The following CCDC178 variants were observed in gnomAD, a reference collection of about 807,000 sequenced individuals.
The protein encoded by CCDC178 is coiled-coil domain containing 178, also known as coiled-coil domain-containing protein 178.
Under a neutral mutation model 117.4 loss-of-function variants are expected in CCDC178, and 126 were observed. The observed-to-expected ratio is 1.07, with a 90% CI of 0.93 to 1.24. The LOEUF (loss-of-function observed/expected upper bound fraction) is 1.24. Ranked by LOEUF, CCDC178 falls within the 50% of genes most tolerant of loss-of-function variation. The pLI, the probability that CCDC178 is intolerant of heterozygous loss-of-function variation, is 0.00. For synonymous variants in CCDC178, 283 were observed against 313.4 expected, an observed-to-expected ratio of 0.90 and a Z score of 1.02; for missense variants, 1,030 against 986.9, an observed-to-expected ratio of 1.04 and a Z score of -0.59.
At chr18:33,124,172 T>C (rs1408761021) in intron 20 of CCDC178, among the ~76,000 whole-genome samples, 1 of 152,342 alleles carries the variant, frequency 6.6e-6, no homozygotes, top group East Asian at 1.9e-4. Context: ...GTCTGCAGTT[T>C]GCATTGTTTA....
chr18:33,268,109 T>G (rs1342816194), intron 12 of CCDC178, among the ~76,000 whole-genome samples: 1 of 151,754 alleles, frequency 6.6e-6, no homozygotes. Flanking sequence ...ACTGTAAAAA[T>G]ATAGCAAAAT....
intron 21 of CCDC178, among the ~76,000 whole-genome samples, chr18:33,032,665 AT>A (rs2056366720): frequency 1.3e-5 from 2 of 152,088 alleles, no homozygotes; most frequent in Non-Finnish European, 2.9e-5. Flanking sequence ...AGAAGGATGG[AT>A]TTTTCAAGAA....
chr18:33,439,412 C>T (rs2064344875), intron 2 of CCDC178, among the ~76,000 whole-genome samples: 1 of 151,988 alleles, frequency 6.6e-6, no homozygotes, highest in Non-Finnish European at 1.5e-5. Flanking sequence ...AGTGGGTAGA[C>T]TAACAATCAA....
chr18:33,052,406 ATTTAAC>A (rs1347343505), intron 21 of CCDC178, among the ~76,000 whole-genome samples: 1 of 152,200 alleles, frequency 6.6e-6, no homozygotes, highest in East Asian at 1.9e-4. Flanking sequence ...AAGATTACAA[ATTTAAC>A]TTTAAGTTAT....
chr18:33,274,392 T>C (rs982517583), intron 12 of CCDC178, among the ~76,000 whole-genome samples: 1 of 151,942 alleles, frequency 6.6e-6, no homozygotes, highest in Non-Finnish European at 1.5e-5. Context: ...GACCTGGCAA[T>C]TCCACTCCTA....
At chr18:33,136,974 C>T (rs2058136209) in intron 20 of CCDC178, among the ~76,000 whole-genome samples, 1 of 152,100 alleles carries the variant, frequency 6.6e-6, no homozygotes, top group Non-Finnish European at 1.5e-5. Flanking sequence ...AACAAACAGG[C>T]AATATCCCTG....
At chr18:33,065,420 A>T (rs550420506) in intron 21 of CCDC178, among the ~76,000 whole-genome samples, 1 of 152,228 alleles carries the variant, frequency 6.6e-6, no homozygotes, top group Non-Finnish European at 1.5e-5. Context: ...AAGAAAGCCT[A>T]TGTGACACAT....
At chr18:33,052,522 A>C (rs2056763300) in intron 21 of CCDC178, among the ~76,000 whole-genome samples, 1 of 152,218 alleles carries the variant, frequency 6.6e-6, no homozygotes, top group Admixed American at 6.5e-5. Flanking sequence ...TTTGTATTCA[A>C]AAGAGCCGCA....
At chr18:33,238,265 C>A (rs1414963722) in intron 15 of CCDC178, among the ~76,000 whole-genome samples, 1 of 151,926 alleles carries the variant, frequency 6.6e-6, no homozygotes, top group South Asian at 2.1e-4. Flanking sequence ...AAAATGACAC[C>A]TTCAAAGGAA....
chr18:32,998,454 T>A (rs2144762303), intron 21 of CCDC178, among the ~76,000 whole-genome samples: 1 of 152,134 alleles, frequency 6.6e-6, no homozygotes, highest in South Asian at 2.1e-4. Context: ...GGCTCAGAGA[T>A]AATGGACCTG....
rs1445278809 is a variant in CCDC178, at chr18:33,117,686, C to T, written c.2239-24776G>A. Among the ~76,000 whole-genome samples, 8 of 150,964 alleles carry T rather than the reference C, an allele frequency of 5.3e-5. No individual in the cohort carries two copies. In the South Asian group the frequency reaches 1.3e-3, roughly 24 times the overall value. ...TGTATACATATGTAACAAACCTGCACGTTGTGCACATATACCCTAAAACTT... is the reference window on the plus strand; with the variant it reads ...TGTATACATATGTAACAAACCTGCATGTTGTGCACATATACCCTAAAACTT... On this transcript the variant is annotated intron_variant, in intron 20 of 22. Coordinates refer to ENST00000383096, the MANE Select transcript of CCDC178 (RefSeq NM_001105528.4).
At chr18:33,069,985 A>G (rs2057080602) in intron 21 of CCDC178, among the ~76,000 whole-genome samples, 2 of 152,122 alleles carry the variant, frequency 1.3e-5, no homozygotes, top group African/African-American at 4.8e-5. Context: ...ATATTATCTT[A>G]TCCCAGTTAA....
At chr18:33,007,095 A>G (rs1028369876) in intron 21 of CCDC178, among the ~76,000 whole-genome samples, 2 of 152,106 alleles carry the variant, frequency 1.3e-5, no homozygotes, top group African/African-American at 4.8e-5. Flanking sequence ...ATAGAAAACT[A>G]ATTAAAACAC....
chr18:33,130,532 C>T (rs1598913869), intron 20 of CCDC178, among the ~76,000 whole-genome samples: 2 of 151,940 alleles, frequency 1.3e-5, no homozygotes, highest in South Asian at 2.1e-4. Context: ...ATTCAGCTAG[C>T]ATATGATAAA....
At chr18:33,369,693 C>CT in intron 6 of CCDC178, among the ~76,000 whole-genome samples, 1 of 151,972 alleles carries the variant, frequency 6.6e-6, no homozygotes, top group East Asian at 1.9e-4. Context: ...GCACACTGTC[C>CT]TTTTATACAC....
intron 15 of CCDC178, among the ~76,000 whole-genome samples, chr18:33,229,198 A>G (rs769205744): frequency 6.6e-6 from 1 of 152,168 alleles, no homozygotes; most frequent in Non-Finnish European, 1.5e-5. Context: ...AACCTCGATC[A>G]ACTCCACAGC....
intron 12 of CCDC178, among the ~76,000 whole-genome samples, chr18:33,268,713 C>T (rs2059850609): frequency 6.6e-6 from 1 of 151,702 alleles, no homozygotes; most frequent in Non-Finnish European, 1.5e-5. Context: ...AAAAAGCCAA[C>T]ATTCCCAGAT....
At chr18:33,097,636 T>C (rs1344950613) in intron 20 of CCDC178, among the ~76,000 whole-genome samples, 2 of 152,078 alleles carry the variant, frequency 1.3e-5, no homozygotes, top group African/African-American at 4.8e-5. Context: ...ATATATTCCC[T>C]TCGCAAACAT....
At chr18:33,080,146 C>G (rs147066420) in intron 21 of CCDC178, among the ~76,000 whole-genome samples, 1 of 152,108 alleles carries the variant, frequency 6.6e-6, no homozygotes, top group East Asian at 1.9e-4. Flanking sequence ...GAGCTGGAGG[C>G]TGGTATCCTT....
Sources: gnomAD v4.1 joint callset for allele counts (sites outside exome capture counted in the v4.1 genomes callset) on GRCh38, gnomAD v4.1.1 for gene constraint, MANE v1.5 for transcripts, NCBI Gene and HGNC (gene_info 2026-07-23, HGNC 2026-07-21) for gene names.